The following KIFC1 variants were observed in gnomAD, a reference collection of about 807,000 sequenced individuals.
The protein encoded by KIFC1 is kinesin-like protein KIFC1.
A neutral mutation model predicts 66.6 loss-of-function variants in KIFC1; 37 were observed. The observed-to-expected ratio is 0.56, with a 90% confidence interval of 0.43 to 0.73. KIFC1 has a LOEUF of 0.73. KIFC1 is among the 30% of genes least tolerant of loss of function. The pLI is 0.00. For missense variants in KIFC1, 721 were observed against 859.8 expected, an observed-to-expected ratio of 0.84 and a Z score of 2.02; for synonymous variants, 325 against 343.5, an observed-to-expected ratio of 0.95 and a Z score of 0.60.
At chr6:33,394,878 T>C (rs937424557) in intron 1 of KIFC1, among the ~76,000 whole-genome samples, 4 of 152,196 alleles carry the variant, frequency 2.6e-5, no homozygotes, top group Non-Finnish European at 5.9e-5. Flanking sequence ...ATCAATGATA[T>C]TTAAAGGCAT....
At chr6:33,398,526 T>G in intron 3 of KIFC1, 139 bp downstream of exon 3, 2 of 678,188 alleles carry the variant, frequency 2.9e-6, no homozygotes, top group South Asian at 1.9e-5. Flanking sequence ...GTGCAGTGGC[T>G]CAATCTCACT....
Position 33,400,675 on chromosome 6 carries a change from C to A in KIFC1, c.250+2288C>A. 1 of 610,114 alleles carries A rather than the reference C, an allele frequency of 1.6e-6. No homozygotes were observed. Among genetic ancestry groups the A allele is most frequent in the South Asian group, 1.9e-5 (1 of 52,418 alleles). 37.8% of individuals were successfully genotyped at this position (610,114 alleles called of 1,614,324 possible). A position where few individuals can be genotyped will look rare whatever the true frequency, so the allele number is the denominator to read the frequency against. On this transcript the variant is annotated intron_variant, in intron 3 of 10. Coordinates refer to ENST00000428849, the MANE Select transcript of KIFC1 (RefSeq NM_002263.4). This position sits in a 1 kb window ranked among gnomAD's most constrained non-coding sequence, Gnocchi z 4.3. The stretch of plus-strand genomic sequence containing the variant: ...CTCTCTTTTTTTTTTGAGATGGAGT[C>A]TCGCTCTGTCGCCCAGGCTGGAGTG...
At chr6:33,392,096 T>C in intron 1 of KIFC1, 99 bp downstream of exon 1, 1 of 1,363,768 alleles carries the variant, frequency 7.3e-7, no homozygotes, top group Non-Finnish European at 1.0e-6. Flanking sequence ...GCCTTTGTCA[T>C]GTCTACCGGG....
rs757944580 is a variant in KIFC1 at position 33,405,148 on chromosome 6, C to T, written c.1053C>T (p.Ser351=). 5.6e-6 allele frequency: 9 copies of T among 1,614,150 alleles called. No homozygotes were observed. In the Admixed American group the frequency reaches 1.5e-4, roughly 27 times the overall value. Residue 351 remains serine (S), a synonymous_variant, in exon 7 of 11, where the codon TCC becomes TCT. Coordinates refer to ENST00000428849, the MANE Select transcript of KIFC1 (RefSeq NM_002263.4). This position sits in a 1 kb window ranked among gnomAD's most constrained non-coding sequence, Gnocchi z 5.4. Reference sequence around the variant, plus strand: ...ATCCTCCAACCCGCCTTAGCCTCTCCCGGTCTGACGAGCGGCGTGGGACCC... The same window carrying T: ...ATCCTCCAACCCGCCTTAGCCTCTCTCGGTCTGACGAGCGGCGTGGGACCC... ...PSDPPTRLSL[S]RSDERRGTLS...
At chr6:33,402,054 T>C (rs1263635047) in intron 3 of KIFC1, among the ~76,000 whole-genome samples, 6 of 152,234 alleles carry the variant, frequency 3.9e-5, no homozygotes, top group African/African-American at 1.2e-4. Flanking sequence ...AGTTAACTGT[T>C]TTTGCAAATA....
At position 33,398,329 on chromosome 6, in the gene KIFC1, A is replaced by G. The variant is rs1391520529; in HGVS notation, c.192A>G (p.Thr64=). The G allele has an allele frequency of 1.2e-6, 2 of 1,614,058 alleles. No individual in the cohort carries two copies. The highest frequency in any genetic ancestry group is 2.2e-5 in the South Asian group (2 of 91,078). Residue 64 remains threonine, a synonymous_variant, in exon 3 of 11, where the codon ACA becomes ACG. Transcript: ENST00000428849. ...TGGGTGCAACGACCAAAATTACCAC[A>G]TCCCACCCAAGAGTTCCATCCCTCA... ...RGLGATTKIT[T]SHPRVPSLTT...
At chr6:33,391,626 G>A (rs1358321256), upstream of KIFC1, 1 of 457,472 alleles carries the variant, frequency 2.2e-6, no homozygotes, top group Middle Eastern at 6.3e-4. Flanking sequence ...GAGGGGAGGG[G>A]TGAGAAGCAT....
At chr6:33,395,602 T>G (rs1774991612) in intron 1 of KIFC1, among the ~76,000 whole-genome samples, 1 of 152,208 alleles carries the variant, frequency 6.6e-6, no homozygotes, top group Non-Finnish European at 1.5e-5. Context: ...TTTATATTAA[T>G]AGATGGGAAA....
In KIFC1 at chr6:33,400,364, C is replaced by T; in HGVS notation, c.250+1977C>T. 1 of 1,595,214 alleles carries T rather than the reference C, an allele frequency of 6.3e-7. No individual in the cohort carries two copies. Among genetic ancestry groups the T allele is most frequent in the Non-Finnish European group, 8.5e-7 (1 of 1,173,298 alleles). ...ACCTCAATCTGGGCCTGTCTGTTCT[C>T]AATGGTCAGTTTCACTGTAATCCTC... On this transcript the variant is annotated intron_variant, in intron 3 of 10. Transcript: ENST00000428849. The surrounding 1 kb of genome is among the most constrained non-coding windows in gnomAD (Gnocchi z 4.3).
chr6:33,393,622 AAT>A (rs1324139737), intron 1 of KIFC1, among the ~76,000 whole-genome samples: 4 of 150,482 alleles, frequency 2.7e-5, no homozygotes, highest in Admixed American at 2.0e-4. Context: ...TTGTATTTTT[AAT>A]AGAGACAGGG....
chr6:33,403,457 T>G lies in KIFC1; in HGVS notation c.305-28T>G. On this transcript the variant is annotated intron_variant, in intron 4 of 10. Transcript: ENST00000428849. This position sits in a 1 kb window ranked among gnomAD's most constrained non-coding sequence, Gnocchi z 4.6. The stretch of plus-strand genomic sequence containing the variant: ...AGGTGGAGGGACACTGGTCCTGTAA[T>G]TCCTAAGTCACCTCCTCAATTCTGT... 6.2e-7 allele frequency: 1 copy of G among 1,613,400 alleles called. No individual in the cohort carries two copies. The highest frequency in any genetic ancestry group is 1.1e-5 in the South Asian group (1 of 91,054).
chr6:33,392,136 G>A, intron 1 of KIFC1, 139 bp downstream of exon 1: 3 of 970,640 alleles, frequency 3.1e-6, no homozygotes, highest in South Asian at 3.2e-5. Flanking sequence ...CCCCGCACAA[G>A]TGGAAAGGGG....
Position 33,397,299 on chromosome 6 carries a change from T to A in KIFC1, c.13-730T>A, listed in dbSNP as rs868719525. ...CCCAGAATTAAGTTCTAATGCCCTT[T>A]TTTTTTTTTTTTTTTTGAGACGGAG... On this transcript the variant is annotated intron_variant, in intron 1 of 10. Transcript: ENST00000428849. Among the ~76,000 whole-genome samples, 1,386 of 143,510 alleles carry A rather than the reference T, an allele frequency of 9.7e-3. 25 individuals are homozygous for A. Among genetic ancestry groups the A allele is most frequent in the African/African-American group, 0.031 (1,196 of 39,134 alleles). The allele number at this position is 143,510 out of a possible 152,430, so 94.1% of individuals were successfully genotyped here. A position where few individuals can be genotyped will look rare whatever the true frequency, so the allele number is the denominator to read the frequency against.
Position 33,400,432 on chromosome 6 carries a change from A to C in KIFC1, c.250+2045A>C, listed in dbSNP as rs769196722. 1.2e-6 allele frequency: 2 copies of C among 1,602,018 alleles called. No individual in the cohort carries two copies. Among genetic ancestry groups the C allele is most frequent in the African/African-American group, 1.3e-5 (1 of 74,224 alleles). On this transcript the variant is annotated intron_variant, in intron 3 of 10. Transcript: ENST00000428849. This position sits in a 1 kb window ranked among gnomAD's most constrained non-coding sequence, Gnocchi z 4.3. ...CGTTGCCTTGGCAATGTCATCACCA[A>C]CCTTTTTTGGAGACAGACCCAGGGG...
At chr6:33,396,436 C>CTTTTTTTTTTTTTTTTTTTTT (rs199749552) in intron 1 of KIFC1, among the ~76,000 whole-genome samples, 16 of 116,274 alleles carry the variant, frequency 1.4e-4, no homozygotes, top group African/African-American at 3.8e-4. Flanking sequence ...CTTTTCTTTT[C>CTTTTTTTTTTTTTTTTTTTTT]TTTTTTTTTT....
At chr6:33,398,491 G>T in intron 3 of KIFC1, 104 bp downstream of exon 3, 1 of 930,898 alleles carries the variant, frequency 1.1e-6, no homozygotes, top group South Asian at 1.5e-5. Flanking sequence ...TTGAGACAGA[G>T]TCTCGCTCTA....
At position 33,405,511 on chromosome 6, in the gene KIFC1, G is replaced by C. The variant is rs201620772; in HGVS notation, c.1416G>C (p.Leu472=). The C allele has an allele frequency of 1.9e-3, 3,090 of 1,612,420 alleles. 74 individuals are homozygous for C. The South Asian group carries it at 0.032, about 17-fold the overall frequency. ...VEIYNETVRD[L]LATGTRKGQG... ...TCTACAATGAGACTGTCCGGGACCTGCTGGCCACTGGAACCCGGAAGGGTC... is the reference window on the plus strand; with the variant it reads ...TCTACAATGAGACTGTCCGGGACCTCCTGGCCACTGGAACCCGGAAGGGTC... Residue 472 remains leucine (L), a synonymous_variant, in exon 7 of 11, where the codon CTG becomes CTC. Coordinates refer to ENST00000428849, the MANE Select transcript of KIFC1 (RefSeq NM_002263.4). This position sits in a 1 kb window ranked among gnomAD's most constrained non-coding sequence, Gnocchi z 5.4.
intron 1 of KIFC1, among the ~76,000 whole-genome samples, chr6:33,394,916 A>G (rs1774959472): frequency 6.6e-6 from 1 of 152,178 alleles, no homozygotes; most frequent in Admixed American, 6.5e-5. Flanking sequence ...ATAGATAGAG[A>G]ATGCTGTTAA....
chr6:33,392,840 A>G (rs1190069627), intron 1 of KIFC1, among the ~76,000 whole-genome samples: 1 of 152,196 alleles, frequency 6.6e-6, no homozygotes, highest in East Asian at 1.9e-4. Flanking sequence ...AGATCTATTA[A>G]TCAAGTATTT....
Sources: gnomAD v4.1 joint callset for allele counts (sites outside exome capture counted in the v4.1 genomes callset) on GRCh38, gnomAD v4.1.1 for gene constraint, Gnocchi (gnomAD v3.1) non-coding constraint, MANE v1.5 for transcripts, NCBI Gene and HGNC (gene_info 2026-07-23, HGNC 2026-07-21) for gene names.